STN1: variants seen among roughly 807,000 people sequenced by gnomAD.
STN1 encodes the protein STN1 subunit of CST complex.
A neutral mutation model predicts 45.5 loss-of-function variants in STN1; 29 were observed. The ratio of observed to expected loss-of-function variants is 0.64; its 90% confidence interval spans 0.47 to 0.87. The LOEUF (loss-of-function observed/expected upper bound fraction) is 0.87, where lower values mean the gene tolerates loss of function less well. STN1 is among the 40% of genes least tolerant of loss of function. The pLI is 0.00. For synonymous variants in STN1, 148 were observed against 159.0 expected (o/e 0.93, Z 0.52); for missense variants, 376 against 441.4 (o/e 0.85, Z 1.33).
Position 103,879,107 on chromosome 10 carries a change from G to C in STN1, c.*3577C>G, listed in dbSNP as rs185808587. On this transcript the variant is annotated 3_prime_UTR_variant, in exon 10 of 10. Coordinates refer to ENST00000224950, the MANE Select transcript of STN1 (RefSeq NM_024928.5). ...ACTTCCAGCCTGCACAGCCTACTAA[G>C]ACATGTGAGAAAGCACCCCCGCAAC... The C allele has an allele frequency of 6.6e-6, 1 of 152,478 alleles. No individual in the cohort carries two copies. Among genetic ancestry groups the C allele is most frequent in the African/African-American group, 2.4e-5 (1 of 41,562 alleles). 9.4% of individuals were successfully genotyped at this position (152,478 alleles called of 1,614,324 possible).
intron 9 of STN1, 140 bp downstream of exon 9, chr10:103,888,932 G>A: frequency 1.6e-6 from 1 of 629,728 alleles, no homozygotes; most frequent in Non-Finnish European, 2.9e-6. Flanking sequence ...GGCTCAGGGA[G>A]GGCAGGTACT....
Position 103,917,581 on chromosome 10 carries a change from G to GA in STN1, c.13dup (p.Ser5PhefsTer5). ...AGGGGTCTCCTCTTCACACCGGCTG[G>GA]ATCCAGGCTGCATCAAGAGGCAGGG... On this transcript the variant is annotated frameshift_variant, in exon 2 of 10. Transcript: ENST00000224950. LOFTEE classifies it high-confidence loss of function. 1 of 1,613,986 alleles carries GA rather than the reference G, an allele frequency of 6.2e-7. No homozygotes were observed. The highest frequency in any genetic ancestry group is 8.5e-7 in the Non-Finnish European group (1 of 1,179,920).
rs1843060751 is a variant in STN1 at position 103,880,412 on chromosome 10, C to G, written c.*2272G>C. ...TCTGCGTGGTGGGTTTCATCCAGGA[C>G]CAGCAATCTGGTCTTTTAGCCTTCA... On this transcript the variant is annotated 3_prime_UTR_variant, in exon 10 of 10. Transcript: ENST00000224950. 6.6e-6 allele frequency among the ~76,000 whole-genome samples: 1 copy of G among 152,222 alleles called. No homozygotes were observed. The highest frequency in any genetic ancestry group is 2.4e-5 in the African/African-American group (1 of 41,464).
At chr10:103,906,558 G>A (rs1843242808) in intron 3 of STN1, among the ~76,000 whole-genome samples, 1 of 152,186 alleles carries the variant, frequency 6.6e-6, no homozygotes, top group Non-Finnish European at 1.5e-5. Flanking sequence ...CTACTTGGGA[G>A]GCTGAGGTGG....
rs1843344440 is a variant in STN1 at position 103,917,806 on chromosome 10, G to A, written c.-62-150C>T. 5.7e-6 allele frequency: 3 copies of A among 528,336 alleles called. No individual in the cohort carries two copies. In the Admixed American group the frequency reaches 1.0e-4, roughly 18 times the overall value. 32.7% of individuals were successfully genotyped at this position (528,336 alleles called of 1,614,324 possible). A position where few individuals can be genotyped will look rare whatever the true frequency, so the allele number is the denominator to read the frequency against. ...TGTCAAACTCCATGCCACGGGGCGT[G>A]TTAAGAGGCGTTCCTCACGTCAGGA... On this transcript the variant is annotated intron_variant, in intron 1 of 9. Coordinates refer to ENST00000224950, the MANE Select transcript of STN1 (RefSeq NM_024928.5).
At chr10:103,903,503 A>C (rs1010561509) in intron 4 of STN1, among the ~76,000 whole-genome samples, 1 of 152,134 alleles carries the variant, frequency 6.6e-6, no homozygotes, top group African/African-American at 2.4e-5. Flanking sequence ...AGGTTATGAG[A>C]GCTCCACTCT....
intron 8 of STN1, among the ~76,000 whole-genome samples, chr10:103,890,695 T>C (rs1347051822): frequency 6.6e-6 from 1 of 152,212 alleles, no homozygotes; most frequent in Non-Finnish European, 1.5e-5. Context: ...CGCCCTTATG[T>C]AGACTGGGAT....
At position 103,909,488 on chromosome 10, in the gene STN1, G is replaced by GTATA. The variant is rs1467013284; in HGVS notation, c.229+1038_229+1039insTATA. Among the ~76,000 whole-genome samples the GTATA allele has an allele frequency of 0.028, 935 of 33,114 alleles. 195 individuals carry two copies. The East Asian group carries it at 0.35, about 12-fold the overall frequency. The allele number at this position is 33,114 out of a possible 152,430, so 21.7% of individuals were successfully genotyped here. A position where few individuals can be genotyped will look rare whatever the true frequency, so the allele number is the denominator to read the frequency against. On this transcript the variant is annotated intron_variant, in intron 3 of 9. Transcript: ENST00000224950. ...TATATATGTATATATGTATATATAT[G>GTATA]TGTGTGTGTATATGTATATATGTAT...
chr10:103,900,391 T>C (rs952314706), intron 4 of STN1, among the ~76,000 whole-genome samples, 168 bp from the exon 5 acceptor site: 1 of 152,228 alleles, frequency 6.6e-6, no homozygotes, highest in African/African-American at 2.4e-5. Context: ...AGTACTCCAC[T>C]GAGAACAAGG....
At position 103,892,115 on chromosome 10, in the gene STN1, T is replaced by C. The variant is rs1393334855; in HGVS notation, c.876+15A>G. ...GAAGCTACAAAGAAAAAAAGTTAAG[T>C]TGCAAGTGTCTTACATAGTATAGGT... On this transcript the variant is annotated intron_variant, in intron 8 of 9. Coordinates refer to ENST00000224950, the MANE Select transcript of STN1 (RefSeq NM_024928.5). 1 of 1,567,558 alleles carries C rather than the reference T, an allele frequency of 6.4e-7. No individual in the cohort carries two copies.
Position 103,917,280 on chromosome 10 carries a change from AAG to A in STN1, c.133+180_133+181del, listed in dbSNP as rs1354575462. On this transcript the variant is annotated intron_variant, in intron 2 of 9. Transcript: ENST00000224950. Reference sequence around the variant, plus strand: ...TACTAAAAAAAAAAAAAAAAAAAAAAAGATTTAGACTGTTTTTTTTACCTTGC... The same window carrying A: ...TACTAAAAAAAAAAAAAAAAAAAAAAATTTAGACTGTTTTTTTTACCTTGC... Among the ~76,000 whole-genome samples the A allele has an allele frequency of 8.7e-3, 1,265 of 145,330 alleles. 35 individuals carry two copies. The highest frequency in any genetic ancestry group is 0.077 in the East Asian group (381 of 4,974).
intron 3 of STN1, among the ~76,000 whole-genome samples, chr10:103,907,703 G>A (rs1164035253): frequency 2.0e-5 from 3 of 151,994 alleles, no homozygotes; most frequent in African/African-American, 4.8e-5. Flanking sequence ...TTTATAATGA[G>A]TAAATACCAT....
At chr10:103,901,981 T>G (rs748260919) in intron 4 of STN1, among the ~76,000 whole-genome samples, 4 of 152,230 alleles carry the variant, frequency 2.6e-5, no homozygotes, top group Non-Finnish European at 5.9e-5. Flanking sequence ...ATTTTGCTTT[T>G]AAATTGCAGG....
In STN1 at chr10:103,883,063, G is replaced by A. The variant is rs369367130; in HGVS notation, c.950-222C>T. 5.6e-4 allele frequency among the ~76,000 whole-genome samples: 86 copies of A among 152,344 alleles called. 2 individuals carry two copies. In the East Asian group the frequency reaches 0.016, roughly 28 times the overall value. On this transcript the variant is annotated intron_variant, in intron 9 of 9. Transcript: ENST00000224950. The stretch of plus-strand genomic sequence containing the variant: ...CGGCGACATGGAGCCACTGCTCAGG[G>A]ACTCTGAACTTCAACCTTCAAGGAT...
chr10:103,898,176 T>C (rs1294341431), intron 6 of STN1: 1 of 153,520 alleles, frequency 6.5e-6, no homozygotes, highest in African/African-American at 2.4e-5. Flanking sequence ...TAATATACTT[T>C]TTTGAATATA....
At chr10:103,907,152 C>T (rs1387467857) in intron 3 of STN1, among the ~76,000 whole-genome samples, 1 of 152,110 alleles carries the variant, frequency 6.6e-6, no homozygotes, top group Non-Finnish European at 1.5e-5. Flanking sequence ...ATGTATATAT[C>T]CTTTGACTTA....
chr10:103,902,795 G>A (rs1017983080), intron 4 of STN1, among the ~76,000 whole-genome samples: 27 of 152,178 alleles, frequency 1.8e-4, no homozygotes, highest in Admixed American at 1.7e-3. Flanking sequence ...TAAATTAAAA[G>A]GAGAGAATGG....
chr10:103,902,809 A>G (rs556900142), intron 4 of STN1, among the ~76,000 whole-genome samples: 1 of 152,358 alleles, frequency 6.6e-6, no homozygotes, highest in South Asian at 2.1e-4. Context: ...AGAATGGGCT[A>G]GTTGGGAACA....
intron 6 of STN1, among the ~76,000 whole-genome samples, chr10:103,898,543 G>A (rs1843186441): frequency 6.6e-6 from 1 of 152,136 alleles, no homozygotes; most frequent in Non-Finnish European, 1.5e-5. Context: ...TCCTGGATCT[G>A]TGAGTTTAAA....
Sources: gnomAD v4.1 joint callset for allele counts (sites outside exome capture counted in the v4.1 genomes callset) on GRCh38, gnomAD v4.1.1 for gene constraint, MANE v1.5 for transcripts, NCBI Gene and HGNC (gene_info 2026-07-23, HGNC 2026-07-21) for gene names.